SEMA3D: variants seen among roughly 807,000 people sequenced by gnomAD.
SEMA3D encodes semaphorin 3D.
Under a neutral mutation model 100.1 loss-of-function variants are expected in SEMA3D, and 84 were observed. The ratio of observed to expected loss-of-function variants is 0.84; its 90% CI spans 0.70 to 1.01. The LOEUF is 1.01. Ranked by LOEUF, SEMA3D falls within the 50% of genes least tolerant of loss-of-function variation. The probability of loss-of-function intolerance (pLI) is 0.00; values close to 1 mark genes in which losing one functional copy is unlikely to be tolerated. For missense variants in SEMA3D, 875 were observed against 934.1 expected, an observed-to-expected ratio of 0.94 and a Z score of 0.82; for synonymous variants, 312 against 320.7, an observed-to-expected ratio of 0.97 and a Z score of 0.29.
chr7:85,211,411 T>C, the SEMA3D span, among the ~76,000 whole-genome samples: 1 of 152,062 alleles, frequency 6.6e-6, no homozygotes, highest in South Asian at 2.1e-4. Flanking sequence ...TAGGTGAAGA[T>C]AGAAAGCCTG....
chr7:85,244,040 T>C, the SEMA3D span, among the ~76,000 whole-genome samples: 1 of 152,178 alleles, frequency 6.6e-6, no homozygotes, highest in Non-Finnish European at 1.5e-5. Flanking sequence ...TTTAGTATTG[T>C]TATAAGAGAA....
chr7:85,057,961 G>C (rs376589484), intron 8 of SEMA3D, among the ~76,000 whole-genome samples: 1 of 152,102 alleles, frequency 6.6e-6, no homozygotes, highest in Non-Finnish European at 1.5e-5. Flanking sequence ...AAAAGTTAAC[G>C]TTGGATTCCG....
At chr7:85,169,575 A>G (rs1791027942) in intron 1 of SEMA3D, among the ~76,000 whole-genome samples, 1 of 151,856 alleles carries the variant, frequency 6.6e-6, no homozygotes. Context: ...AATTAAATCA[A>G]TACTGCCACC....
intron 3 of SEMA3D, among the ~76,000 whole-genome samples, chr7:85,110,538 T>A (rs1293553182): frequency 2.6e-5 from 4 of 151,960 alleles, no homozygotes; most frequent in Non-Finnish European, 5.9e-5. Flanking sequence ...TTAACCTAGC[T>A]TTCCTTCTAG....
intron 4 of SEMA3D, among the ~76,000 whole-genome samples, chr7:85,091,702 G>A (rs77344839): frequency 0.011 from 1,734 of 151,930 alleles, 19 homozygotes; most frequent in Non-Finnish European, 0.017. Context: ...AGAAACCGTG[G>A]GTCCTTAAAC....
intron 13 of SEMA3D, 106 bp from the exon 14 acceptor site, chr7:85,020,427 C>T (rs1279597637): frequency 1.4e-6 from 1 of 730,654 alleles, no homozygotes; most frequent in Admixed American, 2.4e-5. Flanking sequence ...TCTTTAAATG[C>T]CTTTCAAAAA....
chr7:85,181,364 G>T (rs1791407385), intron 1 of SEMA3D, among the ~76,000 whole-genome samples: 1 of 97,020 alleles, frequency 1.0e-5, no homozygotes, highest in Non-Finnish European at 2.4e-5. Flanking sequence ...ACACACACAT[G>T]CACTGCTAGA....
At chr7:85,164,479 C>T (rs1790838341) in intron 1 of SEMA3D, among the ~76,000 whole-genome samples, 1 of 151,990 alleles carries the variant, frequency 6.6e-6, no homozygotes, top group South Asian at 2.1e-4. Context: ...AATTAGATTC[C>T]CTTAGTCATT....
Position 85,040,835 on chromosome 7 carries a change from C to G in SEMA3D, c.977-93G>C. The G allele has an allele frequency of 4.5e-6, 3 of 660,306 alleles. No homozygotes were observed. In the East Asian group the frequency reaches 8.4e-5, roughly 18 times the overall value. 40.9% of individuals were successfully genotyped at this position (660,306 alleles called of 1,614,324 possible). A position where few individuals can be genotyped will look rare whatever the true frequency, so the allele number is the denominator to read the frequency against. ...ACAACTGAAACTCTGAAAATCTAAACAGTTTATACGATTAACAGAGGCACT... is the reference window on the plus strand; with the variant it reads ...ACAACTGAAACTCTGAAAATCTAAAGAGTTTATACGATTAACAGAGGCACT... On this transcript the variant is annotated intron_variant, in intron 10 of 18. Coordinates refer to ENST00000284136, the MANE Select transcript of SEMA3D (RefSeq NM_001384900.1).
chr7:85,002,980 C>G, intron 18 of SEMA3D, among the ~76,000 whole-genome samples: 1 of 151,988 alleles, frequency 6.6e-6, no homozygotes, highest in East Asian at 1.9e-4. Context: ...TGGAAGAGAT[C>G]AGGGCTTCAA....
chr7:85,021,493 A>G (rs1338290215), intron 13 of SEMA3D, among the ~76,000 whole-genome samples: 1 of 151,824 alleles, frequency 6.6e-6, no homozygotes, highest in Non-Finnish European at 1.5e-5. Context: ...CAGGTTTGAC[A>G]ATCAATGACA....
chr7:85,118,766 CT>C (rs1301006371), intron 3 of SEMA3D, among the ~76,000 whole-genome samples: 1 of 152,086 alleles, frequency 6.6e-6, no homozygotes, highest in Non-Finnish European at 1.5e-5. Context: ...TTGACAGTTT[CT>C]TTTGCTGTTC....
intron 2 of SEMA3D, chr7:85,142,080 A>G: frequency 1.0e-6 from 1 of 984,794 alleles, no homozygotes. Flanking sequence ...TGAACTATAC[A>G]GAAGTTGGCA....
chr7:85,184,129 C>T (rs994630830), intron 1 of SEMA3D, among the ~76,000 whole-genome samples: 1 of 152,118 alleles, frequency 6.6e-6, no homozygotes, highest in African/African-American at 2.4e-5. Context: ...TCATTCTCAA[C>T]CATGAATTGC....
At chr7:85,188,004 A>G (rs1278935486), upstream of SEMA3D, among the ~76,000 whole-genome samples, 2 of 152,218 alleles carry the variant, frequency 1.3e-5, no homozygotes, top group African/African-American at 4.8e-5. Flanking sequence ...GCAAGCAGCC[A>G]CGGGATCCTG....
At chr7:85,204,399 G>A in the SEMA3D span, among the ~76,000 whole-genome samples, 74 of 149,208 alleles carry the variant, frequency 5.0e-4, no homozygotes, top group African/African-American at 1.7e-3. Context: ...GCCTTCCAAT[G>A]TCATTTATTG....
At chr7:85,117,985 T>C (rs1328342704) in intron 3 of SEMA3D, among the ~76,000 whole-genome samples, 3 of 151,822 alleles carry the variant, frequency 2.0e-5, no homozygotes, top group Non-Finnish European at 4.4e-5. Flanking sequence ...ACAAAGAGCA[T>C]AAGGAATACA....
chr7:85,074,797 T>G (rs1464317614), intron 5 of SEMA3D, among the ~76,000 whole-genome samples: 1 of 152,058 alleles, frequency 6.6e-6, no homozygotes, highest in Non-Finnish European at 1.5e-5. Context: ...TTCGTGTTTT[T>G]TTTGTAGAGA....
chr7:85,197,205 A>G, the SEMA3D span, among the ~76,000 whole-genome samples: 2 of 152,172 alleles, frequency 1.3e-5, no homozygotes, highest in African/African-American at 4.8e-5. Context: ...TAACATAGCT[A>G]GATCTTTTTC....
Sources: gnomAD v4.1 joint callset for allele counts (sites outside exome capture counted in the v4.1 genomes callset) on GRCh38, gnomAD v4.1.1 for gene constraint, MANE v1.5 for transcripts, NCBI Gene and HGNC (gene_info 2026-07-23, HGNC 2026-07-21) for gene names.